The following RGS12 variants were observed in gnomAD, a reference collection of about 807,000 sequenced individuals.
RGS12 encodes regulator of G protein signaling 12.
In RGS12, 66 loss-of-function variants were observed where a neutral mutation model predicts 120.1. The ratio of observed to expected loss-of-function variants is 0.55; its 90% confidence interval spans 0.45 to 0.67. RGS12 has a LOEUF of 0.67. Ranked by LOEUF, RGS12 falls within the 30% of genes least tolerant of loss-of-function variation. RGS12 has a pLI of 0.00. For missense variants in RGS12, 1,859 were observed against 1,957.7 expected (o/e 0.95, Z 0.95); for synonymous variants, 827 against 804.7 (o/e 1.03, Z -0.47).
chr4:3,315,803 G>GCTGGGAAGCAGTC (rs1199493147), intron 1 of RGS12, among the ~76,000 whole-genome samples: 1 of 152,232 alleles, frequency 6.6e-6, no homozygotes, highest in East Asian at 1.9e-4. Flanking sequence ...TGGAAGCAGT[G>GCTGGGAAGCAGTC]CTGGGAAGCA....
intron 3 of RGS12, among the ~76,000 whole-genome samples, chr4:3,382,849 C>A (rs1207020472): frequency 6.6e-6 from 1 of 152,168 alleles, no homozygotes. Flanking sequence ...GCACTGTGCT[C>A]GTGTTCTGCT....
intron 17 of RGS12, 122 bp from the exon 18 acceptor site, chr4:3,439,333 G>A (rs1466615179): frequency 2.0e-6 from 2 of 1,005,066 alleles, no homozygotes; most frequent in Non-Finnish European, 3.1e-6. Context: ...TCTGGGATGT[G>A]TTTGGGATAT....
chr4:3,357,361 G>A (rs1218496142), intron 3 of RGS12, among the ~76,000 whole-genome samples: 1 of 152,016 alleles, frequency 6.6e-6, no homozygotes, highest in Admixed American at 6.6e-5. Flanking sequence ...TATCTTTGGT[G>A]TACAAAGTTC....
chr4:3,380,392 T>C (rs745308108), intron 3 of RGS12, among the ~76,000 whole-genome samples: 2 of 152,218 alleles, frequency 1.3e-5, no homozygotes, highest in Admixed American at 6.5e-5. Flanking sequence ...ATCTACCATT[T>C]TGAGGTGTGG....
intron 3 of RGS12, among the ~76,000 whole-genome samples, chr4:3,383,200 C>T (rs894579304): frequency 6.6e-6 from 1 of 152,142 alleles, no homozygotes; most frequent in African/African-American, 2.4e-5. Flanking sequence ...AGGCTCACTG[C>T]GGGCTACCCG....
chr4:3,359,599 C>G (rs909708034), intron 3 of RGS12, among the ~76,000 whole-genome samples: 1 of 146,404 alleles, frequency 6.8e-6, no homozygotes, highest in African/African-American at 2.5e-5. Flanking sequence ...TAGGTCTATT[C>G]AGATTTTCTA....
intron 2 of RGS12, among the ~76,000 whole-genome samples, chr4:3,329,828 A>G (rs559580663): frequency 2.0e-5 from 3 of 152,234 alleles, no homozygotes; most frequent in Non-Finnish European, 4.4e-5. Flanking sequence ...ATTTCAGTCT[A>G]TTACGTTTAG....
Position 3,393,044 on chromosome 4 carries a change from G to C in RGS12, c.2020+6607G>C, listed in dbSNP as rs145674884. Among the ~76,000 whole-genome samples, 5 of 152,328 alleles carry C rather than the reference G, an allele frequency of 3.3e-5. No individual in the cohort carries two copies. In the East Asian group the frequency reaches 9.7e-4, roughly 29 times the overall value. ...ATTTATAAGACATGTAAAGCCCTTA[G>C]ATGCCAGTGCTATCATCTCTGTCTT... is the stretch of plus-strand genomic sequence containing the variant. On this transcript the variant is annotated intron_variant, in intron 4 of 17. Coordinates refer to ENST00000336727, the MANE Select transcript of RGS12 (RefSeq NM_001394154.1).
intron 4 of RGS12, among the ~76,000 whole-genome samples, chr4:3,396,614 A>G (rs997256396): frequency 1.3e-5 from 2 of 152,198 alleles, no homozygotes; most frequent in South Asian, 4.1e-4. Context: ...ATTCTGTTCC[A>G]TTGGTCTGTT....
chr4:3,289,868 CT>C (rs1460200659), upstream of RGS12, among the ~76,000 whole-genome samples: 3 of 152,240 alleles, frequency 2.0e-5, no homozygotes, highest in Non-Finnish European at 4.4e-5. Context: ...GTTTCTGTGA[CT>C]TGGACATTTT....
At chr4:3,431,143 G>A in intron 17 of RGS12, 188 bp downstream of exon 17, 1 of 1,426,592 alleles carries the variant, frequency 7.0e-7, no homozygotes, top group Admixed American at 3.0e-5. Context: ...CCCCAGGCCA[G>A]TGTCTGTCAG....
At chr4:3,405,137 G>A (rs374361295) in intron 4 of RGS12, among the ~76,000 whole-genome samples, 20 of 152,360 alleles carry the variant, frequency 1.3e-4, no homozygotes, top group East Asian at 7.7e-4. Flanking sequence ...TGAACAGTGC[G>A]TCAGGAAATC....
intron 1 of RGS12, among the ~76,000 whole-genome samples, chr4:3,293,984 G>T (rs78989690): frequency 0.036 from 688 of 19,222 alleles, 1 homozygote; most frequent in African/African-American, 0.2. Context: ...GACAGTGGAG[G>T]GTGAACACAG....
At chr4:3,335,185 A>G (rs1235165548) in intron 2 of RGS12, among the ~76,000 whole-genome samples, 1 of 152,214 alleles carries the variant, frequency 6.6e-6, no homozygotes, top group Non-Finnish European at 1.5e-5. Flanking sequence ...TTTCTTGAAT[A>G]GGACACCCAG....
chr4:3,371,577 G>C (rs1301940682), intron 3 of RGS12, among the ~76,000 whole-genome samples: 1 of 152,188 alleles, frequency 6.6e-6, no homozygotes, highest in Non-Finnish European at 1.5e-5. Context: ...TGGCAGATAA[G>C]TTGTTCACGG....
chr4:3,408,470 G>A (rs1721387941), intron 4 of RGS12, among the ~76,000 whole-genome samples: 2 of 152,210 alleles, frequency 1.3e-5, no homozygotes, highest in Admixed American at 6.5e-5. Flanking sequence ...CAAGTCACCT[G>A]CATGAATTTT....
In RGS12 at chr4:3,390,072, A is replaced by G. The variant is rs748896973; in HGVS notation, c.2020+3635A>G. Among the ~76,000 whole-genome samples the G allele has an allele frequency of 4.4e-4, 67 of 152,200 alleles. 1 individual carries two copies. The highest frequency in any genetic ancestry group is 8.1e-4 in the Non-Finnish European group (55 of 68,006). On this transcript the variant is annotated intron_variant, in intron 4 of 17. Transcript: ENST00000336727. This position sits in a 1 kb window ranked among gnomAD's most constrained non-coding sequence, Gnocchi z 4.6. Reference sequence around the variant, plus strand: ...GAACGCTGGTGGTTGCCCCCACAGCAGCAGCAGTGATCTGCCCAGCCCCTG... The same window carrying G: ...GAACGCTGGTGGTTGCCCCCACAGCGGCAGCAGTGATCTGCCCAGCCCCTG...
At chr4:3,333,597 C>T (rs182131315) in intron 2 of RGS12, among the ~76,000 whole-genome samples, 2 of 152,330 alleles carry the variant, frequency 1.3e-5, no homozygotes, top group Admixed American at 6.5e-5. Flanking sequence ...GCACTAATCT[C>T]GTCCTTCCAC....
At position 3,431,089 on chromosome 4, in the gene RGS12, T is replaced by C. The variant is rs1025654730; in HGVS notation, c.4114+134T>C. The C allele has an allele frequency of 4.8e-6, 7 of 1,450,694 alleles. No individual in the cohort carries two copies. In the Admixed American group the frequency reaches 1.0e-4, roughly 21 times the overall value. The allele number at this position is 1,450,694 out of a possible 1,614,324, so 89.9% of individuals were successfully genotyped here. On this transcript the variant is annotated intron_variant, in intron 17 of 17. Coordinates refer to ENST00000336727, the MANE Select transcript of RGS12 (RefSeq NM_001394154.1). ...CCGTGACCCCCTCCTCACCTGCTGG[T>C]TGGGGGCTTCCTTGGCCCTCTTGGA... is the stretch of plus-strand genomic sequence containing the variant.
Sources: allele counts gnomAD v4.1 joint callset (sites outside exome capture counted in the v4.1 genomes callset), GRCh38; gene constraint gnomAD v4.1.1; non-coding constraint Gnocchi (gnomAD v3.1); transcripts MANE v1.5; gene names NCBI Gene and HGNC (gene_info 2026-07-23, HGNC 2026-07-21).